DDX52: variants seen among roughly 807,000 people sequenced by gnomAD.
DDX52 encodes the protein probable ATP-dependent RNA helicase DDX52.
Under a neutral mutation model 76.1 loss-of-function variants are expected in DDX52, and 59 were observed. The ratio of observed to expected loss-of-function variants is 0.78; its 90% CI spans 0.63 to 0.96. The LOEUF (loss-of-function observed/expected upper bound fraction) is 0.96, where lower values mean the gene tolerates loss of function less well. Among genes scored for constraint, DDX52 ranks in the 40% least tolerant of loss-of-function variants. DDX52 has a pLI of 0.00. For synonymous variants in DDX52, 231 were observed against 244.1 expected, an observed-to-expected ratio of 0.95 and a Z score of 0.50; for missense variants, 707 against 703.9, an observed-to-expected ratio of 1.00 and a Z score of -0.05.
At position 37,613,687 on chromosome 17, in the gene DDX52, G is replaced by A. The variant is rs1234477542; in HGVS notation, c.*609C>T. On this transcript the variant is annotated 3_prime_UTR_variant, in exon 15 of 15. Coordinates refer to ENST00000617633, the MANE Select transcript of DDX52 (RefSeq NM_007010.5). ...ATTAGGAAATATTAAAATTAAGAGA[G>A]CAGCAGGTTTCTTCTTGGTAGACAG... The A allele has an allele frequency of 1.3e-5, 2 of 152,532 alleles. No homozygotes were observed. The highest frequency in any genetic ancestry group is 4.8e-5 in the African/African-American group (2 of 41,420). 9.4% of individuals were successfully genotyped at this position (152,532 alleles called of 1,614,324 possible).
chr17:37,627,050 T>C (rs927005063), intron 6 of DDX52, among the ~76,000 whole-genome samples, 190 bp from the exon 7 acceptor site: 1 of 152,190 alleles, frequency 6.6e-6, no homozygotes, highest in Non-Finnish European at 1.5e-5. Context: ...TGAGACAGGG[T>C]CTTGCTCTGT....
Position 37,610,416 on chromosome 17 carries a change from T to A in DDX52, c.*3880A>T, listed in dbSNP as rs2064307801. Reference sequence around the variant, plus strand: ...TCCAAGTGCCAGGGTGTGAGCCACATGCCTGGGCTGTGATTTTTTTTTTTC... The same window carrying A: ...TCCAAGTGCCAGGGTGTGAGCCACAAGCCTGGGCTGTGATTTTTTTTTTTC... On this transcript the variant is annotated 3_prime_UTR_variant, in exon 15 of 15. Transcript: ENST00000617633. 1 of 150,116 alleles carries A rather than the reference T, an allele frequency of 6.7e-6. No homozygotes were observed. 9.3% of individuals were successfully genotyped at this position (150,116 alleles called of 1,614,324 possible). A position where few individuals can be genotyped will look rare whatever the true frequency, so the allele number is the denominator to read the frequency against.
chr17:37,620,794 A>G, intron 12 of DDX52, 79 bp downstream of exon 12: 1 of 1,344,146 alleles, frequency 7.4e-7, no homozygotes, highest in Non-Finnish European at 9.9e-7. Context: ...CCATTTTGTA[A>G]TTATCTCTTA....
intron 9 of DDX52, among the ~76,000 whole-genome samples, chr17:37,621,805 A>G (rs1391232352): frequency 1.5e-4 from 23 of 152,240 alleles, no homozygotes; most frequent in Admixed American, 1.5e-3. Flanking sequence ...CAACTTTGAA[A>G]TAATCATCTC....
intron 13 of DDX52, among the ~76,000 whole-genome samples, 167 bp from the exon 14 acceptor site, chr17:37,618,551 G>A (rs767333034): frequency 6.6e-6 from 1 of 151,678 alleles, no homozygotes. Flanking sequence ...GCACAATCTC[G>A]GCTCACTGCA....
chr17:37,631,807 T>C (rs1396019869), intron 4 of DDX52: 9 of 378,408 alleles, frequency 2.4e-5, no homozygotes, highest in Middle Eastern at 7.3e-4. Context: ...AAGATAAATA[T>C]GATTGGTGCG....
At position 37,614,200 on chromosome 17, in the gene DDX52, A is replaced by T; in HGVS notation, c.*96T>A. 1 of 1,254,382 alleles carries T rather than the reference A, an allele frequency of 8.0e-7. No individual in the cohort carries two copies. Among genetic ancestry groups the T allele is most frequent in the Non-Finnish European group, 1.1e-6 (1 of 891,192 alleles). 77.7% of individuals were successfully genotyped at this position (1,254,382 alleles called of 1,614,324 possible). A position where few individuals can be genotyped will look rare whatever the true frequency, so the allele number is the denominator to read the frequency against. On this transcript the variant is annotated 3_prime_UTR_variant, in exon 15 of 15. Transcript: ENST00000617633. ...TTGTAGTTGATTTCAAATGTTTGGT[A>T]CAGGTGACTGTAAGACTTCAAGTAT...
At position 37,628,652 on chromosome 17, in the gene DDX52, T is replaced by G. The variant is rs2030514443; in HGVS notation, c.768A>C (p.Lys256Asn). The G allele has an allele frequency of 6.2e-7, 1 of 1,601,804 alleles. No homozygotes were observed. Among genetic ancestry groups the G allele is most frequent in the East Asian group, 2.2e-5 (1 of 44,810 alleles). The change falls in exon 6 of 15, where the codon AAA becomes AAC. Residue 256 changes from lysine (K) to asparagine (N), a missense_variant. Coordinates refer to ENST00000617633, the MANE Select transcript of DDX52 (RefSeq NM_007010.5). ...TTCTGAATCCTGTTCCCTCAGAAAT[T>G]TTTATTAACTCTCTGTGAATCTAAA... ...LASQIHRELIKISEGTGFRIH... is the reference protein window; with the variant it reads ...LASQIHRELINISEGTGFRIH...
At chr17:37,615,245 G>C (rs536844166) in intron 14 of DDX52, among the ~76,000 whole-genome samples, 1 of 152,362 alleles carries the variant, frequency 6.6e-6, no homozygotes, top group African/African-American at 2.4e-5. Context: ...GATGGGTCTT[G>C]CTTGTATGCT....
At position 37,624,467 on chromosome 17, in the gene DDX52, A is replaced by C. The variant is rs188859347; in HGVS notation, c.1137-33T>G. 276 of 1,519,354 alleles carry C rather than the reference A, an allele frequency of 1.8e-4. No homozygotes were observed. The African/African-American group carries it at 3.4e-3, about 19-fold the overall frequency. The allele number at this position is 1,519,354 out of a possible 1,614,324, so 94.1% of individuals were successfully genotyped here. A position where few individuals can be genotyped will look rare whatever the true frequency, so the allele number is the denominator to read the frequency against. On this transcript the variant is annotated intron_variant, in intron 8 of 14. Transcript: ENST00000617633. The stretch of plus-strand genomic sequence containing the variant: ...GAAAATATACCTTGTAGTTTGTAAG[A>C]GTTAATTTTTGCTTTTTCCCCTGAA...
chr17:37,627,645 A>G (rs1385711890), intron 6 of DDX52, among the ~76,000 whole-genome samples: 1 of 151,988 alleles, frequency 6.6e-6, no homozygotes, highest in Admixed American at 6.6e-5. Context: ...CAGAGGCCCA[A>G]GATTTAAACA....
Position 37,624,429 on chromosome 17 carries a change from G to T in DDX52, c.1142C>A (p.Ser381Tyr). 6.2e-7 allele frequency: 1 copy of T among 1,600,046 alleles called. No homozygotes were observed. The highest frequency in any genetic ancestry group is 8.5e-7 in the Non-Finnish European group (1 of 1,171,380). The change falls in exon 9 of 15, where the codon TCT (serine) becomes TAT (tyrosine). Residue 381 changes from serine (S) to tyrosine (Y), a missense_variant. Ser to Tyr is a moderately radical substitution (Grantham distance 144). Transcript: ENST00000617633. ...VISVSIGARN[S>Y]AVETVEQELL... is the part of the protein sequence containing the mutation. ...CTCTTGTTCTACAGTTTCTACTGCAGAATTCCTGGGAAGAAAATATACCTT... is the reference window on the plus strand; with the variant it reads ...CTCTTGTTCTACAGTTTCTACTGCATAATTCCTGGGAAGAAAATATACCTT...
rs1199735451 is a variant in DDX52, at chr17:37,611,601, G to A, written c.*2695C>T. 6.6e-6 allele frequency: 1 copy of A among 151,966 alleles called. No homozygotes were observed. Among genetic ancestry groups the A allele is most frequent in the African/African-American group, 2.4e-5 (1 of 41,278 alleles). 9.4% of individuals were successfully genotyped at this position (151,966 alleles called of 1,614,324 possible). A position where few individuals can be genotyped will look rare whatever the true frequency, so the allele number is the denominator to read the frequency against. The stretch of plus-strand genomic sequence containing the variant: ...ATACAAAAATTAGCTGGGTGTGGTG[G>A]CGCATGCCTGTAGTCCCAGCAACTC... On this transcript the variant is annotated 3_prime_UTR_variant, in exon 15 of 15. Coordinates refer to ENST00000617633, the MANE Select transcript of DDX52 (RefSeq NM_007010.5).
At position 37,632,298 on chromosome 17, in the gene DDX52, T is replaced by C. The variant is rs765484557; in HGVS notation, c.418A>G (p.Ile140Val). The C allele has an allele frequency of 7.4e-6, 12 of 1,614,046 alleles. No individual in the cohort carries two copies. Among genetic ancestry groups the C allele is most frequent in the Non-Finnish European group, 1.0e-5 (12 of 1,179,980 alleles). ...GKLENLRKEKINFLRNKHKIH... is the reference protein window; with the variant it reads ...GKLENLRKEKVNFLRNKHKIH... ...TTGTGTTTATTCCGCAAGAAGTTTA[T>C]CTGAAAAGTGAAGTAAAGAGGCCAC... Residue 140 changes from isoleucine to valine, a missense_variant and splice_region_variant, in exon 4 of 15, where the codon ATA (isoleucine) becomes GTA (valine). By Grantham distance (29) the Ile-to-Val change is conservative. Transcript: ENST00000617633.
chr17:37,638,684 T>C (rs2031041473), intron 2 of DDX52, among the ~76,000 whole-genome samples: 2 of 152,136 alleles, frequency 1.3e-5, no homozygotes, highest in South Asian at 2.1e-4. Flanking sequence ...ATTCACTCCT[T>C]ATACCAAATA....
In DDX52 at chr17:37,618,315, GAAAC is replaced by G. The variant is rs770154741; in HGVS notation, c.1715_1718del (p.Cys572SerfsTer2). 82 of 1,597,538 alleles carry G rather than the reference GAAAC, an allele frequency of 5.1e-5. No homozygotes were observed. Among genetic ancestry groups the G allele is most frequent in the East Asian group, 4.3e-4 (19 of 44,086 alleles). ...ACTGTTTATCCTTAGCTTTTTCTAA[GAAAC>G]ATTTTGGAGTTGTACTAATGCTCTC... On this transcript the variant is annotated frameshift_variant, in exon 14 of 15. Coordinates refer to ENST00000617633, the MANE Select transcript of DDX52 (RefSeq NM_007010.5). LOFTEE classifies it high-confidence loss of function.
intron 12 of DDX52, chr17:37,620,173 G>T (rs2030010580): frequency 8.4e-6 from 2 of 238,764 alleles, no homozygotes; most frequent in Non-Finnish European, 1.6e-5. Flanking sequence ...CCTACTATGG[G>T]GTTGGCACCG....
Position 37,612,817 on chromosome 17 carries a change from C to CT in DDX52, c.*1478dup, listed in dbSNP as rs1568595048. ...AGACATAATTTTATAGATGAGAACACTGAAACTCTGAGAAATTAAGAACTT... is the reference window on the plus strand; with the variant it reads ...AGACATAATTTTATAGATGAGAACACTTGAAACTCTGAGAAATTAAGAACTT... On this transcript the variant is annotated 3_prime_UTR_variant, in exon 15 of 15. Coordinates refer to ENST00000617633, the MANE Select transcript of DDX52 (RefSeq NM_007010.5). 2 of 152,168 alleles carry CT rather than the reference C, an allele frequency of 1.3e-5. No homozygotes were observed. The highest frequency in any genetic ancestry group is 4.8e-5 in the African/African-American group (2 of 41,432). The allele number at this position is 152,168 out of a possible 1,614,324, so 9.4% of individuals were successfully genotyped here.
At chr17:37,624,057 A>C (rs1568601660) in intron 9 of DDX52, 1 of 206,634 alleles carries the variant, frequency 4.8e-6, no homozygotes, top group Non-Finnish European at 9.6e-6. Context: ...TTCCTAGCCT[A>C]ATCTGAGCTG....
Sources: gnomAD v4.1 joint callset for allele counts (sites outside exome capture counted in the v4.1 genomes callset) on GRCh38, gnomAD v4.1.1 for gene constraint, MANE v1.5 for transcripts, NCBI Gene and HGNC (gene_info 2026-07-23, HGNC 2026-07-21) for gene names.